The following CNTNAP2 variants were observed in gnomAD, a reference collection of about 807,000 sequenced individuals.
The protein encoded by CNTNAP2 is contactin associated protein 2, also known as contactin-associated protein-like 2.
In CNTNAP2, 98 loss-of-function variants were observed where a neutral mutation model predicts 155.2. The ratio of observed to expected loss-of-function variants is 0.63; its 90% CI spans 0.54 to 0.75. The LOEUF (loss-of-function observed/expected upper bound fraction) is 0.75, where lower values mean the gene tolerates loss of function less well. CNTNAP2 is among the 30% of genes least tolerant of loss of function. The pLI is 0.00. For synonymous variants in CNTNAP2, 651 were observed against 631.2 expected, an observed-to-expected ratio of 1.03 and a Z score of -0.47; for missense variants, 1,727 against 1,688.1, an observed-to-expected ratio of 1.02 and a Z score of -0.40.
At chr7:147,003,378 A>G (rs1798464748) in intron 3 of CNTNAP2, among the ~76,000 whole-genome samples, 1 of 152,048 alleles carries the variant, frequency 6.6e-6, no homozygotes, top group Admixed American at 6.6e-5. Flanking sequence ...GCTATAAACA[A>G]AAAGCGAGAA....
In CNTNAP2 at chr7:148,179,087, A is replaced by T. The variant is rs529145467; in HGVS notation, c.3010+6609A>T. ...GAAGATGCAACTGGAAACCACACCC[A>T]CCATATCGGACTGGTTTTGTCAATA... On this transcript the variant is annotated intron_variant, in intron 18 of 23. Coordinates refer to ENST00000361727, the MANE Select transcript of CNTNAP2 (RefSeq NM_014141.6). Among the ~76,000 whole-genome samples the T allele has an allele frequency of 1.4e-4, 22 of 152,282 alleles. No individual in the cohort carries two copies. The South Asian group carries it at 4.6e-3, about 32-fold the overall frequency.
intron 3 of CNTNAP2, among the ~76,000 whole-genome samples, chr7:146,852,962 T>C (rs1444847176): frequency 1.3e-5 from 2 of 152,172 alleles, no homozygotes; most frequent in East Asian, 3.8e-4. Context: ...TGTTACAGTA[T>C]ACAAATTGGA....
intron 1 of CNTNAP2, among the ~76,000 whole-genome samples, chr7:146,616,373 A>G (rs1799224189): frequency 6.6e-6 from 1 of 152,194 alleles, no homozygotes; most frequent in Middle Eastern, 3.2e-3. Flanking sequence ...TAAATAAAAA[A>G]TATTTATTTG....
At chr7:147,797,785 A>G (rs750056129) in intron 13 of CNTNAP2, among the ~76,000 whole-genome samples, 11 of 152,172 alleles carry the variant, frequency 7.2e-5, no homozygotes, top group African/African-American at 1.7e-4. Context: ...TTTGAGCTAT[A>G]AAGACTAGAT....
intron 1 of CNTNAP2, among the ~76,000 whole-genome samples, chr7:146,627,099 A>G (rs745544838): frequency 6.6e-6 from 1 of 152,186 alleles, no homozygotes; most frequent in Non-Finnish European, 1.5e-5. Context: ...AGCAAGTCAC[A>G]TCTTACATGG....
At chr7:146,345,402 C>T (rs1022455257) in intron 1 of CNTNAP2, among the ~76,000 whole-genome samples, 15 of 152,158 alleles carry the variant, frequency 9.9e-5, no homozygotes, top group Non-Finnish European at 2.9e-5. Context: ...TTGCTGACAG[C>T]GCCTGATAAG....
intron 8 of CNTNAP2, among the ~76,000 whole-genome samples, chr7:147,286,865 G>C (rs1432768995): frequency 6.6e-6 from 1 of 151,758 alleles, no homozygotes; most frequent in African/African-American, 2.4e-5. Flanking sequence ...TCTCCTCCTT[G>C]TTTTACTTGA....
intron 8 of CNTNAP2, among the ~76,000 whole-genome samples, chr7:147,284,154 A>G (rs144951609): frequency 4.8e-4 from 73 of 151,800 alleles, no homozygotes; most frequent in African/African-American, 1.8e-3. Flanking sequence ...AATGTGCCCT[A>G]AATAACGTGT....
intron 8 of CNTNAP2, among the ~76,000 whole-genome samples, chr7:147,152,648 A>G (rs1383076918): frequency 6.6e-6 from 1 of 152,124 alleles, no homozygotes; most frequent in Non-Finnish European, 1.5e-5. Context: ...TGCATAAAGG[A>G]ACATTTAGCT....
intron 8 of CNTNAP2, among the ~76,000 whole-genome samples, chr7:147,216,187 T>C (rs1187509898): frequency 4.6e-5 from 7 of 152,026 alleles, no homozygotes; most frequent in Admixed American, 4.6e-4. Flanking sequence ...TTAGTTTTAA[T>C]GCAGTCTAGT....
chr7:146,932,887 G>A (rs1218133423), intron 3 of CNTNAP2, among the ~76,000 whole-genome samples: 1 of 152,158 alleles, frequency 6.6e-6, no homozygotes, highest in African/African-American at 2.4e-5. Context: ...CAAGGGATGT[G>A]AAGGACCTCT....
At chr7:147,964,991 C>T (rs1801180287) in intron 14 of CNTNAP2, among the ~76,000 whole-genome samples, 2 of 152,138 alleles carry the variant, frequency 1.3e-5, no homozygotes, top group South Asian at 4.1e-4. Flanking sequence ...CTCTTTCAGA[C>T]ATTTTTTCCA....
At chr7:147,230,332 A>C (rs1660256824) in intron 8 of CNTNAP2, among the ~76,000 whole-genome samples, 1 of 152,072 alleles carries the variant, frequency 6.6e-6, no homozygotes, top group Admixed American at 6.6e-5. Flanking sequence ...ATCTCAGCTC[A>C]CTGCAACCTC....
At chr7:148,019,146 A>G (rs934754243) in intron 15 of CNTNAP2, among the ~76,000 whole-genome samples, 1 of 152,140 alleles carries the variant, frequency 6.6e-6, no homozygotes, top group Non-Finnish European at 1.5e-5. Flanking sequence ...ACTGATGTGA[A>G]AATCATTTTA....
intron 1 of CNTNAP2, among the ~76,000 whole-genome samples, chr7:146,139,764 T>C (rs537702430): frequency 1.3e-5 from 2 of 152,144 alleles, no homozygotes. Flanking sequence ...TTAAGAAGTT[T>C]GTGGAAATAG....
At chr7:147,301,735 G>T (rs1384283878) in intron 9 of CNTNAP2, among the ~76,000 whole-genome samples, 1 of 151,628 alleles carries the variant, frequency 6.6e-6, no homozygotes, top group Non-Finnish European at 1.5e-5. Context: ...AAAAATCCTG[G>T]AATGTTGTAG....
chr7:148,389,171 TC>T, intron 22 of CNTNAP2, among the ~76,000 whole-genome samples: 1 of 152,324 alleles, frequency 6.6e-6, no homozygotes, highest in South Asian at 2.1e-4. Flanking sequence ...ATTCTTTTAT[TC>T]CTTTACTTTC....
intron 13 of CNTNAP2, among the ~76,000 whole-genome samples, chr7:147,802,668 C>T (rs540729778): frequency 1.3e-5 from 2 of 151,652 alleles, no homozygotes; most frequent in Admixed American, 6.6e-5. Flanking sequence ...CGCAGGCACT[C>T]GGCAGGCTGA....
At position 147,342,171 on chromosome 7, in the gene CNTNAP2, A is replaced by G. The variant is rs1291355604; in HGVS notation, c.1498+41881A>G. Reference sequence around the variant, plus strand: ...CACTCTCATAACCTAATTATATCCCAAAGGTCCCATCTCCAAATCCCATCA... The same window carrying G: ...CACTCTCATAACCTAATTATATCCCGAAGGTCCCATCTCCAAATCCCATCA... On this transcript the variant is annotated intron_variant, in intron 9 of 23. Transcript: ENST00000361727. Among the ~76,000 whole-genome samples the G allele has an allele frequency of 7.2e-5, 11 of 152,222 alleles. No homozygotes were observed. The South Asian group carries it at 1.9e-3, about 26-fold the overall frequency.
Sources: gnomAD v4.1 joint callset for allele counts (sites outside exome capture counted in the v4.1 genomes callset) on GRCh38, gnomAD v4.1.1 for gene constraint, MANE v1.5 for transcripts, NCBI Gene and HGNC (gene_info 2026-07-23, HGNC 2026-07-21) for gene names.